TENM3: variants seen among roughly 807,000 people sequenced by gnomAD.
TENM3 encodes teneurin-3.
TENM3 carries 63 observed loss-of-function variants against 255.1 expected under a neutral mutation model. That is an observed-to-expected ratio of 0.25 (90% CI 0.20 to 0.30). The LOEUF (loss-of-function observed/expected upper bound fraction) is 0.30. Among genes scored for constraint, TENM3 ranks in the 10% least tolerant of loss-of-function variants. The pLI, the probability that TENM3 is intolerant of heterozygous loss-of-function variation, is 1.00. For missense variants in TENM3, 2,929 were observed against 3,461.1 expected, an observed-to-expected ratio of 0.85 and a Z score of 3.86; for synonymous variants, 1,306 against 1,322.3, an observed-to-expected ratio of 0.99 and a Z score of 0.27.
At chr4:181,462,477 A>G in the TENM3 span, among the ~76,000 whole-genome samples, 1 of 152,174 alleles carries the variant, frequency 6.6e-6, no homozygotes, top group Non-Finnish European at 1.5e-5. Flanking sequence ...GGACAATCTT[A>G]GTACTCACTT....
At chr4:181,692,317 C>T in the TENM3 span, among the ~76,000 whole-genome samples, 1 of 152,160 alleles carries the variant, frequency 6.6e-6, no homozygotes, top group African/African-American at 2.4e-5. Flanking sequence ...TTGTCTTACA[C>T]TCTATCATTT....
chr4:181,945,153 A>T, the TENM3 span, among the ~76,000 whole-genome samples: 7 of 152,132 alleles, frequency 4.6e-5, no homozygotes, highest in South Asian at 1.2e-3. Context: ...TTCAACAGGG[A>T]AAGATAAGCA....
the TENM3 span, among the ~76,000 whole-genome samples, chr4:182,071,876 A>AT: frequency 1.2e-3 from 185 of 152,186 alleles, no homozygotes; most frequent in African/African-American, 4.3e-3. Context: ...TTTAAATGTG[A>AT]TTTTATGGCT....
chr4:182,486,963 A>G (rs1580716589), intron 3 of TENM3, among the ~76,000 whole-genome samples: 1 of 152,328 alleles, frequency 6.6e-6, no homozygotes, highest in Non-Finnish European at 1.5e-5. Context: ...ATTGTATTAC[A>G]TGACGAGACC....
At chr4:181,928,583 T>G in the TENM3 span, among the ~76,000 whole-genome samples, 1 of 151,252 alleles carries the variant, frequency 6.6e-6, no homozygotes, top group African/African-American at 2.4e-5. Context: ...ACGGGAAGAA[T>G]GGAAGCAAGT....
At chr4:182,228,353 A>G (rs1002112873) in intron 1 of TENM3, among the ~76,000 whole-genome samples, 1 of 77,938 alleles carries the variant, frequency 1.3e-5, no homozygotes, top group African/African-American at 6.2e-5. Context: ...ATATAATGTA[A>G]TGTAATGTGT....
chr4:182,594,722 G>A (rs867046783), intron 3 of TENM3, among the ~76,000 whole-genome samples: 1 of 97,160 alleles, frequency 1.0e-5, no homozygotes, highest in Non-Finnish European at 2.5e-5. Flanking sequence ...GTGTGTGTGT[G>A]TGTGTGTGTT....
At chr4:182,338,697 A>G (rs563318030) in intron 2 of TENM3, among the ~76,000 whole-genome samples, 151 of 152,280 alleles carry the variant, frequency 9.9e-4, no homozygotes, top group Non-Finnish European at 1.9e-3. Flanking sequence ...TAAAATAATA[A>G]TGTCTCTGCA....
chr4:181,649,879 T>C, the TENM3 span, among the ~76,000 whole-genome samples: 1 of 152,132 alleles, frequency 6.6e-6, no homozygotes, highest in African/African-American at 2.4e-5. Context: ...CCAGTCAACT[T>C]GGATCAGGAG....
rs139145393 is a variant in TENM3, at chr4:182,794,195, T to C, written c.7213+310T>C. 4.4e-3 allele frequency among the ~76,000 whole-genome samples: 671 copies of C among 152,256 alleles called. 5 individuals carry two copies. The highest frequency in any genetic ancestry group is 0.014 in the Middle Eastern group (4 of 294). On this transcript the variant is annotated intron_variant, in intron 26 of 27. Transcript: ENST00000511685. ...CATGATGAACACAGAGTCCCAAAAT[T>C]GGAGTCCCAATCCCAGCTCCTCTCC...
the TENM3 span, among the ~76,000 whole-genome samples, chr4:181,522,100 C>CA: frequency 0.015 from 823 of 54,726 alleles, 130 homozygotes; most frequent in African/African-American, 0.04. Flanking sequence ...GACTCCGTCT[C>CA]AAAAAAAAAA....
the TENM3 span, among the ~76,000 whole-genome samples, chr4:181,574,258 G>A: frequency 3.3e-5 from 5 of 152,130 alleles, no homozygotes; most frequent in Admixed American, 6.5e-5. Context: ...CCGGCCGGGC[G>A]CGGTGGCTCA....
chr4:182,257,298 A>C (rs1352036049), intron 1 of TENM3, among the ~76,000 whole-genome samples: 1 of 152,148 alleles, frequency 6.6e-6, no homozygotes, highest in Non-Finnish European at 1.5e-5. Context: ...ACAGATATAC[A>C]TATGTGTGTG....
chr4:182,330,297 G>A (rs780905244), intron 2 of TENM3, among the ~76,000 whole-genome samples: 6 of 152,288 alleles, frequency 3.9e-5, no homozygotes, highest in Middle Eastern at 3.4e-3. Flanking sequence ...TTTGTGTGAG[G>A]TTGGATGAAG....
the TENM3 span, among the ~76,000 whole-genome samples, chr4:182,066,165 A>G: frequency 6.6e-6 from 1 of 152,102 alleles, no homozygotes; most frequent in Non-Finnish European, 1.5e-5. Context: ...CTTTTTCCCC[A>G]TTTCTAATAT....
chr4:182,511,594 T>C (rs937236447), intron 3 of TENM3, among the ~76,000 whole-genome samples: 1 of 152,328 alleles, frequency 6.6e-6, no homozygotes, highest in African/African-American at 2.4e-5. Flanking sequence ...CTTATTTAGT[T>C]ATCTACCTTA....
the TENM3 span, among the ~76,000 whole-genome samples, chr4:181,715,812 T>C: frequency 6.6e-6 from 1 of 152,216 alleles, no homozygotes; most frequent in African/African-American, 2.4e-5. Context: ...GGCAAATGCT[T>C]GACTTGTAAG....
the TENM3 span, among the ~76,000 whole-genome samples, chr4:181,886,694 C>A: frequency 6.6e-6 from 1 of 152,094 alleles, no homozygotes; most frequent in Non-Finnish European, 1.5e-5. Flanking sequence ...TCTAATTTCA[C>A]AAGCCTTCAT....
intron 1 of TENM3, among the ~76,000 whole-genome samples, chr4:182,267,474 T>C (rs1759315188): frequency 6.6e-6 from 1 of 152,192 alleles, no homozygotes; most frequent in African/African-American, 2.4e-5. Context: ...ACAAGCCCCA[T>C]AGGGAACCAA....
Sources: gnomAD v4.1 joint callset for allele counts (sites outside exome capture counted in the v4.1 genomes callset) on GRCh38, gnomAD v4.1.1 for gene constraint, MANE v1.5 for transcripts, NCBI Gene and HGNC (gene_info 2026-07-23, HGNC 2026-07-21) for gene names.